The following SLC12A4 variants were observed in gnomAD, a reference collection of about 807,000 sequenced individuals.
SLC12A4 encodes the protein electroneutral potassium-chloride cotransporter 1.
Under a neutral mutation model 119.2 loss-of-function variants are expected in SLC12A4, and 84 were observed. That is an observed-to-expected ratio of 0.70 (90% confidence interval 0.59 to 0.85). The LOEUF (loss-of-function observed/expected upper bound fraction) is 0.85. Among genes scored for constraint, SLC12A4 ranks in the 40% least tolerant of loss-of-function variants. The pLI is 0.00. For missense variants in SLC12A4, 1,298 were observed against 1,476.3 expected (o/e 0.88, Z 1.98); for synonymous variants, 599 against 604.6 (o/e 0.99, Z 0.14).
At position 67,944,768 on chromosome 16, in the gene SLC12A4, C is replaced by A. The variant is rs1006931686; in HGVS notation, c.*72G>T. 2 of 1,568,650 alleles carry A rather than the reference C, an allele frequency of 1.3e-6. No homozygotes were observed. The highest frequency in any genetic ancestry group is 1.8e-5 in the Admixed American group (1 of 56,326). ...CTGGCAGGTGGGTGCTGGGAAGAGGCTGTTACCCCAGACCACAGCTTGTTA... is the reference window on the plus strand; with the variant it reads ...CTGGCAGGTGGGTGCTGGGAAGAGGATGTTACCCCAGACCACAGCTTGTTA... On this transcript the variant is annotated 3_prime_UTR_variant, in exon 24 of 24. Coordinates refer to ENST00000316341, the MANE Select transcript of SLC12A4 (RefSeq NM_005072.5). The surrounding 1 kb of genome is among the most constrained non-coding windows in gnomAD (Gnocchi z 6.6).
intron 6 of SLC12A4, chr16:67,954,261 G>T: frequency 3.0e-6 from 1 of 329,674 alleles, no homozygotes; most frequent in Non-Finnish European, 6.0e-6. Context: ...AAGTGCCCTG[G>T]CACAGAGCCC....
chr16:67,966,963 G>C (rs1282750639), intron 1 of SLC12A4: 3 of 1,306,104 alleles, frequency 2.3e-6, no homozygotes, highest in Non-Finnish European at 3.1e-6. Flanking sequence ...GCTCAGCTCT[G>C]CCTGCCCACT....
chr16:67,957,733 C>T lies in SLC12A4; in HGVS notation c.544+9G>A, dbSNP rs1333282780. Reference sequence around the variant, plus strand: ...CTCTTCCACCAGGCCTTGGGTGGCGCTCACTGACCTGGAACCACACCGTTG... The same window carrying T: ...CTCTTCCACCAGGCCTTGGGTGGCGTTCACTGACCTGGAACCACACCGTTG... On this transcript the variant is annotated intron_variant, in intron 5 of 23. Coordinates refer to ENST00000316341, the MANE Select transcript of SLC12A4 (RefSeq NM_005072.5). 2 of 1,612,868 alleles carry T rather than the reference C, an allele frequency of 1.2e-6. No homozygotes were observed. The highest frequency in any genetic ancestry group is 3.3e-5 in the Admixed American group (2 of 60,016).
chr16:67,950,081 C>G lies in SLC12A4; in HGVS notation c.1630-163G>C. On this transcript the variant is annotated intron_variant, in intron 12 of 23. Coordinates refer to ENST00000316341, the MANE Select transcript of SLC12A4 (RefSeq NM_005072.5). This position sits in a 1 kb window ranked among gnomAD's most constrained non-coding sequence, Gnocchi z 4.3. ...CACCAGTCTCCCTGATTCCACCTCACCAGGCCTCTCTCCTTTGGATGAGCC... is the reference window on the plus strand; with the variant it reads ...CACCAGTCTCCCTGATTCCACCTCAGCAGGCCTCTCTCCTTTGGATGAGCC... The G allele has an allele frequency of 1.4e-6, 1 of 692,678 alleles. No homozygotes were observed. The highest frequency in any genetic ancestry group is 2.5e-6 in the Non-Finnish European group (1 of 407,704). The allele number at this position is 692,678 out of a possible 1,614,324, so 42.9% of individuals were successfully genotyped here. A position where few individuals can be genotyped will look rare whatever the true frequency, so the allele number is the denominator to read the frequency against.
intron 1 of SLC12A4, chr16:67,963,881 C>T: frequency 6.5e-7 from 1 of 1,539,592 alleles, no homozygotes; most frequent in Non-Finnish European, 8.7e-7. Context: ...TTTGACCCGC[C>T]CCCAGATCGC....
Position 67,950,624 on chromosome 16 carries a change from C to T in SLC12A4, c.1454+30G>A, listed in dbSNP as rs1229743885. Reference sequence around the variant, plus strand: ...GTGAGGGCAGGCCAAAGCCCAGCCGCTGCTAAAGAGGGGGGCCCAGCTCAC... The same window carrying T: ...GTGAGGGCAGGCCAAAGCCCAGCCGTTGCTAAAGAGGGGGGCCCAGCTCAC... On this transcript the variant is annotated intron_variant, in intron 11 of 23. Transcript: ENST00000316341. This position sits in a 1 kb window ranked among gnomAD's most constrained non-coding sequence, Gnocchi z 4.3. 1 of 1,610,162 alleles carries T rather than the reference C, an allele frequency of 6.2e-7. No homozygotes were observed.
Position 67,947,794 on chromosome 16 carries a change from C to A in SLC12A4, c.1848-6G>T. On this transcript the variant is annotated splice_polypyrimidine_tract_variant and splice_region_variant and intron_variant, in intron 14 of 23. Coordinates refer to ENST00000316341, the MANE Select transcript of SLC12A4 (RefSeq NM_005072.5). ...TGCCCAGGAAGGACAGCGCCCTGGA[C>A]GAGAGGGGAGGGCAGAGTCAGGGCA... 1.3e-6 allele frequency: 2 copies of A among 1,583,366 alleles called. No homozygotes were observed. Among genetic ancestry groups the A allele is most frequent in the South Asian group, 1.1e-5 (1 of 87,264 alleles).
chr16:67,951,848 G>C lies in SLC12A4; in HGVS notation c.1107C>G (p.Pro369=). 6.2e-7 allele frequency: 1 copy of C among 1,613,352 alleles called. No homozygotes were observed. Among genetic ancestry groups the C allele is most frequent in the Non-Finnish European group, 8.5e-7 (1 of 1,179,832 alleles). ...CCTGGAGCACACCAGCAGCTGCCCC[G>C]GGGATGCCAGGGATCTCGGTCACAT... is the stretch of plus-strand genomic sequence containing the variant. ...LNNVTEIPGI[P]GAAAGVLQEN... is the part of the protein sequence containing the mutation. Residue 369 remains proline (P), a synonymous_variant, in exon 8 of 24, where the codon CCC becomes CCG. Coordinates refer to ENST00000316341, the MANE Select transcript of SLC12A4 (RefSeq NM_005072.5). The surrounding 1 kb of genome is among the most constrained non-coding windows in gnomAD (Gnocchi z 5.2).
At position 67,946,465 on chromosome 16, in the gene SLC12A4, C is replaced by G; in HGVS notation, c.2410G>C (p.Asp804His). The G allele has an allele frequency of 6.2e-7, 1 of 1,606,652 alleles. No individual in the cohort carries two copies. The highest frequency in any genetic ancestry group is 8.5e-7 in the Non-Finnish European group (1 of 1,179,934). Residue 804 changes from aspartate (D) to histidine (H), a missense_variant, in exon 18 of 24, where the codon GAC becomes CAC. Physicochemically the swap from Asp to His is moderately conservative, Grantham distance 81 (BLOSUM62 -1). Coordinates refer to ENST00000316341, the MANE Select transcript of SLC12A4 (RefSeq NM_005072.5). ...GWPYGWRQSE[D>H]PRAWKTFIDT... Reference sequence around the variant, plus strand: ...ATGAAGGTCTTCCAGGCACGGGGGTCCTCGCTCTGTCGCCAGCCGTAGGGC... The same window carrying G: ...ATGAAGGTCTTCCAGGCACGGGGGTGCTCGCTCTGTCGCCAGCCGTAGGGC...
At chr16:67,948,522 T>C (rs1420735093) in intron 13 of SLC12A4, among the ~76,000 whole-genome samples, 1 of 152,160 alleles carries the variant, frequency 6.6e-6, no homozygotes, top group East Asian at 1.9e-4. Flanking sequence ...GAGGCTGCCA[T>C]GCATGAAGGG....
rs2058334242 is a variant in SLC12A4, at chr16:67,945,569, G to A, written c.2848-16C>T. The A allele has an allele frequency of 6.2e-7, 1 of 1,610,656 alleles. No homozygotes were observed. The highest frequency in any genetic ancestry group is 8.5e-7 in the Non-Finnish European group (1 of 1,178,284). ...CCAGCTGGGCCTGAGGACAATTGCA[G>A]GAGATAGCCTTGGTCCCATAGGAAA... On this transcript the variant is annotated splice_polypyrimidine_tract_variant and intron_variant, in intron 21 of 23. Transcript: ENST00000316341.
At chr16:67,968,363 G>A in intron 1 of SLC12A4, 76 bp downstream of exon 1, 1 of 1,331,810 alleles carries the variant, frequency 7.5e-7, no homozygotes, top group Non-Finnish European at 1.0e-6. Flanking sequence ...GGATAGGTGC[G>A]GGCGCGGGCC....
At chr16:67,964,082 G>C in intron 1 of SLC12A4, 1 of 1,534,236 alleles carries the variant, frequency 6.5e-7, no homozygotes, top group Admixed American at 2.0e-5. Flanking sequence ...GGGGCGTCCT[G>C]CAGGGCAGCC....
At chr16:67,968,398 G>A (rs763879658) in intron 1 of SLC12A4, 41 bp downstream of exon 1, 4 of 1,512,390 alleles carry the variant, frequency 2.6e-6, no homozygotes, top group Non-Finnish European at 2.6e-6. Context: ...CGGGTGGCAG[G>A]CCCCGCTGCC....
rs1207614775 is a variant in SLC12A4, at chr16:67,950,934, C to T, written c.1396+28G>A. On this transcript the variant is annotated intron_variant, in intron 10 of 23. Coordinates refer to ENST00000316341, the MANE Select transcript of SLC12A4 (RefSeq NM_005072.5). The surrounding 1 kb of genome is among the most constrained non-coding windows in gnomAD (Gnocchi z 4.3). ...GCCAAGCGCTTCCCGTCCTCTGCCC[C>T]ACCTGCCCCAGGCCTGGGAAAGGAT... 5.0e-6 allele frequency: 8 copies of T among 1,606,374 alleles called. No homozygotes were observed. The highest frequency in any genetic ancestry group is 1.7e-4 in the Middle Eastern group (1 of 6,058).
At position 67,951,621 on chromosome 16, in the gene SLC12A4, T is replaced by C. The variant is rs2029910857; in HGVS notation, c.1132+202A>G. ...CTGGTGGCTGGGGAAGACAGGCTGCTGCAGGCCTTGGACGCTGGCCAGACA... is the reference window on the plus strand; with the variant it reads ...CTGGTGGCTGGGGAAGACAGGCTGCCGCAGGCCTTGGACGCTGGCCAGACA... On this transcript the variant is annotated intron_variant, in intron 8 of 23. Coordinates refer to ENST00000316341, the MANE Select transcript of SLC12A4 (RefSeq NM_005072.5). The surrounding 1 kb of genome is among the most constrained non-coding windows in gnomAD (Gnocchi z 5.2). 1.1e-5 allele frequency: 7 copies of C among 617,420 alleles called. No individual in the cohort carries two copies. The highest frequency in any genetic ancestry group is 1.7e-5 in the Non-Finnish European group (6 of 352,824). 38.2% of individuals were successfully genotyped at this position (617,420 alleles called of 1,614,324 possible). A position where few individuals can be genotyped will look rare whatever the true frequency, so the allele number is the denominator to read the frequency against.
intron 1 of SLC12A4, among the ~76,000 whole-genome samples, chr16:67,965,379 C>T (rs1046481041): frequency 5.3e-5 from 8 of 152,268 alleles, no homozygotes; most frequent in South Asian, 2.1e-4. Context: ...TTATACAGCT[C>T]GTCTTACTTC....
intron 3 of SLC12A4, among the ~76,000 whole-genome samples, chr16:67,960,625 C>T (rs939579726): frequency 2.6e-5 from 4 of 151,378 alleles, no homozygotes; most frequent in East Asian, 2.0e-4. Flanking sequence ...CAGTGCCAGA[C>T]GTCAGCTCCT....
chr16:67,953,676 T>C (rs906778232), intron 6 of SLC12A4, among the ~76,000 whole-genome samples: 1 of 152,200 alleles, frequency 6.6e-6, no homozygotes, highest in African/African-American at 2.4e-5. Flanking sequence ...GGGAATTGCA[T>C]GGTATGTAAA....
Sources: allele counts gnomAD v4.1 joint callset (sites outside exome capture counted in the v4.1 genomes callset), GRCh38; gene constraint gnomAD v4.1.1; non-coding constraint Gnocchi (gnomAD v3.1); transcripts MANE v1.5; gene names NCBI Gene and HGNC (gene_info 2026-07-23, HGNC 2026-07-21).